TOP2A: variants seen among roughly 807,000 people sequenced by gnomAD.
TOP2A encodes DNA topoisomerase II alpha.
TOP2A carries 68 observed loss-of-function variants against 187.2 expected under a neutral mutation model. That is an observed-to-expected ratio of 0.36 (90% CI 0.30 to 0.44). The LOEUF (loss-of-function observed/expected upper bound fraction) is 0.44. Among genes scored for constraint, TOP2A ranks in the 20% least tolerant of loss-of-function variants. TOP2A has a pLI of 1.00. For missense variants in TOP2A, 1,196 were observed against 1,808.7 expected (o/e 0.66, Z 6.14); for synonymous variants, 542 against 593.2 (o/e 0.91, Z 1.25).
chr17:40,400,624 GTTC>G lies in TOP2A; in HGVS notation c.2701_2703del (p.Glu901del). 1 of 1,608,636 alleles carries G rather than the reference GTTC, an allele frequency of 6.2e-7. No homozygotes were observed. The highest frequency in any genetic ancestry group is 8.5e-7 in the Non-Finnish European group (1 of 1,178,250). Reference sequence around the variant, plus strand: ...CTAATCACATATTGATTTGGAGCCAGTTCTTCAATAGTACCCTTGAAGTTCTTG... The same window carrying G: ...CTAATCACATATTGATTTGGAGCCAGTTCAATAGTACCCTTGAAGTTCTTG... On this transcript the variant is annotated inframe_deletion, in exon 22 of 35. Transcript: ENST00000423485.
chr17:40,409,372 TC>T, intron 10 of TOP2A: 1 of 411,218 alleles, frequency 2.4e-6, no homozygotes, highest in South Asian at 1.8e-5. Context: ...AGAAGCTGTC[TC>T]CAAAAAAAAA....
rs777530184 is a variant in TOP2A at position 40,392,741 on chromosome 17, G to C, written c.3812-4C>G. On this transcript the variant is annotated splice_polypyrimidine_tract_variant and splice_region_variant and intron_variant, in intron 29 of 34. Coordinates refer to ENST00000423485, the MANE Select transcript of TOP2A (RefSeq NM_001067.4). The stretch of plus-strand genomic sequence containing the variant: ...GTTTGTTTCTTTGTCTTTGTACCTA[G>C]AGGGGAGATAGAAATTAATCACCTT... 5 of 1,601,850 alleles carry C rather than the reference G, an allele frequency of 3.1e-6. No homozygotes were observed. The highest frequency in any genetic ancestry group is 1.1e-5 in the South Asian group (1 of 89,290).
intron 10 of TOP2A, chr17:40,409,002 C>G (rs2035282603): frequency 2.5e-6 from 1 of 394,694 alleles, no homozygotes; most frequent in Admixed American, 3.4e-5. Context: ...TGAGACCGGC[C>G]TGGCCAACAT....
intron 10 of TOP2A, among the ~76,000 whole-genome samples, chr17:40,410,358 C>T (rs981792054): frequency 3.3e-5 from 5 of 152,064 alleles, no homozygotes; most frequent in Non-Finnish European, 5.9e-5. Context: ...GGACAATATA[C>T]GAAAAACTGG....
chr17:40,407,940 G>T (rs771037486), intron 12 of TOP2A, 27 bp downstream of exon 12: 5 of 1,580,342 alleles, frequency 3.2e-6, no homozygotes, highest in South Asian at 2.3e-5. Flanking sequence ...ATTAGATTTA[G>T]ATTCTGAAGA....
chr17:40,399,742 G>T, intron 24 of TOP2A, 130 bp downstream of exon 24: 1 of 649,790 alleles, frequency 1.5e-6, no homozygotes, highest in Non-Finnish European at 2.6e-6. Flanking sequence ...TTAAAGAAAT[G>T]CGTGTATAAG....
In TOP2A at chr17:40,407,531, T is replaced by C. The variant is rs1389937305; in HGVS notation, c.1626+18A>G. On this transcript the variant is annotated intron_variant, in intron 13 of 34. Transcript: ENST00000423485. ...TTAATTTAGTTGAACAATCTAAAAATTTAATAACAAATCTGACCTGATCTG... is the reference window on the plus strand; with the variant it reads ...TTAATTTAGTTGAACAATCTAAAAACTTAATAACAAATCTGACCTGATCTG... 6.5e-6 allele frequency: 10 copies of C among 1,535,174 alleles called. No homozygotes were observed. Among genetic ancestry groups the C allele is most frequent in the South Asian group, 1.3e-5 (1 of 79,052 alleles).
Position 40,390,161 on chromosome 17 carries a change from T to C in TOP2A, c.4271A>G (p.Gln1424Arg). 2 of 1,609,574 alleles carry C rather than the reference T, an allele frequency of 1.2e-6. No homozygotes were observed. The highest frequency in any genetic ancestry group is 1.7e-6 in the Non-Finnish European group (2 of 1,178,362). ...VTVKKTAAKSQSSTSTTGAKK... is the reference protein window; with the variant it reads ...VTVKKTAAKSRSSTSTTGAKK... ...GGCACCGGTAGTGGAGGTGGAAGAC[T>C]GACCTGCAATTCAATACAGGCATTT... is the stretch of plus-strand genomic sequence containing the variant. The change falls in exon 34 of 35, where the codon CAG (glutamine) becomes CGG (arginine). Residue 1424 changes from glutamine to arginine, a missense_variant. Physicochemically the swap from Gln to Arg is conservative, Grantham distance 43. Coordinates refer to ENST00000423485, the MANE Select transcript of TOP2A (RefSeq NM_001067.4).
chr17:40,392,002 A>G (rs374879173), intron 32 of TOP2A, 66 bp downstream of exon 32: 364 of 1,523,132 alleles, frequency 2.4e-4, no homozygotes, highest in Non-Finnish European at 3.1e-4. Flanking sequence ...AGCCAGGATT[A>G]GAACCCAGTT....
intron 29 of TOP2A, among the ~76,000 whole-genome samples, chr17:40,393,098 G>C (rs976619573): frequency 6.6e-6 from 1 of 152,118 alleles, no homozygotes; most frequent in Non-Finnish European, 1.5e-5. Context: ...GAGGTAGGCG[G>C]ATCGCTTGAG....
Position 40,411,201 on chromosome 17 carries a change from G to C in TOP2A, c.1111C>G (p.Pro371Ala). The C allele has an allele frequency of 6.2e-7, 1 of 1,613,436 alleles. No individual in the cohort carries two copies. Among genetic ancestry groups the C allele is most frequent in the Non-Finnish European group, 8.5e-7 (1 of 1,179,760 alleles). The change falls in exon 10 of 35, where the codon CCA (proline) becomes GCA (alanine). Residue 371 changes from proline (P) to alanine (A), a missense_variant. Around this residue, in one of 10 missense-constraint regions of TOP2A, gnomAD observed 252 missense variants for 434.8 expected, o/e 0.58. Coordinates refer to ENST00000423485, the MANE Select transcript of TOP2A (RefSeq NM_001067.4). This position sits in a 1 kb window ranked among gnomAD's most constrained non-coding sequence, Gnocchi z 4.4. The stretch of plus-strand genomic sequence containing the variant: ...TCTTTTGTCTGAGAGTCAAAGGTTG[G>C]GTTTTCAATTAAGGCATTTACAAAA... ...WIFVNALIEN[P>A]TFDSQTKENM...
At chr17:40,396,759 C>T (rs2035104694) in intron 27 of TOP2A, among the ~76,000 whole-genome samples, 1 of 152,088 alleles carries the variant, frequency 6.6e-6, no homozygotes. Flanking sequence ...TATTTGTAAA[C>T]TCACATACAA....
At chr17:40,394,855 T>C (rs928163084) in intron 29 of TOP2A, among the ~76,000 whole-genome samples, 3 of 152,240 alleles carry the variant, frequency 2.0e-5, no homozygotes, top group African/African-American at 7.2e-5. Flanking sequence ...CTTTGTATAC[T>C]AGAACCTCGT....
At chr17:40,414,689 A>G (rs2035368306) in intron 4 of TOP2A, among the ~76,000 whole-genome samples, 2 of 151,974 alleles carry the variant, frequency 1.3e-5, no homozygotes, top group South Asian at 4.2e-4. Context: ...CCCCATCTCT[A>G]CTAAAAAAAA....
chr17:40,412,667 C>G, intron 7 of TOP2A, 92 bp downstream of exon 7: 2 of 1,058,826 alleles, frequency 1.9e-6, no homozygotes, highest in Non-Finnish European at 2.8e-6. Flanking sequence ...AACAAACAAA[C>G]AAAAACATAT....
In TOP2A at chr17:40,400,374, A is replaced by T. The variant is rs2035162712; in HGVS notation, c.2835T>A (p.Asn945Lys). 1 of 1,613,622 alleles carries T rather than the reference A, an allele frequency of 6.2e-7. No homozygotes were observed. Among genetic ancestry groups the T allele is most frequent in the Non-Finnish European group, 8.5e-7 (1 of 1,179,850 alleles). Reference protein sequence around the residue: ...YKEQVLEPMLNGTEKTPPLIT... With the variant: ...YKEQVLEPMLKGTEKTPPLIT... The stretch of plus-strand genomic sequence containing the variant: ...TGAGAGGAGGTGTCTTCTCGGTGCC[A>T]TTCAACATGGGTTCTAGAACTTGTT... The change falls in exon 23 of 35, where the codon AAT becomes AAA. Residue 945 changes from asparagine (N) to lysine (K), a missense_variant. By Grantham distance (94) the Asn-to-Lys change is moderately conservative (BLOSUM62 0). Around this residue, in one of 10 missense-constraint regions of TOP2A, gnomAD observed 232 missense variants for 306.1 expected, o/e 0.76. Transcript: ENST00000423485.
chr17:40,397,872 G>A (rs774247338), intron 27 of TOP2A, among the ~76,000 whole-genome samples: 13 of 149,772 alleles, frequency 8.7e-5, no homozygotes, highest in South Asian at 6.3e-4. Flanking sequence ...TCTGCCTCCC[G>A]AGTTCAAGTG....
intron 7 of TOP2A, among the ~76,000 whole-genome samples, chr17:40,412,552 G>A (rs1426887009): frequency 6.6e-6 from 1 of 152,208 alleles, no homozygotes; most frequent in African/African-American, 2.4e-5. Flanking sequence ...GCTGAGGCAG[G>A]AGAATTGCGT....
At chr17:40,408,273 A>C (rs1461384757) in intron 11 of TOP2A, 149 bp from the exon 12 acceptor site, 1 of 802,932 alleles carries the variant, frequency 1.2e-6, no homozygotes. Context: ...CATAATATAA[A>C]CATTCTTGTT....
Sources: gnomAD v4.1 joint callset for allele counts (sites outside exome capture counted in the v4.1 genomes callset) on GRCh38, gnomAD v4.1.1 for gene constraint, gnomAD v4.1.1 regional missense constraint, Gnocchi (gnomAD v3.1) non-coding constraint, MANE v1.5 for transcripts, NCBI Gene and HGNC (gene_info 2026-07-23, HGNC 2026-07-21) for gene names.